The following ELP3 variants were observed in gnomAD, a reference collection of about 807,000 sequenced individuals.
The protein encoded by ELP3 is elongator acetyltransferase complex subunit 3.
A neutral mutation model predicts 74.9 loss-of-function variants in ELP3; 56 were observed. The ratio of observed to expected loss-of-function variants is 0.75; its 90% confidence interval spans 0.60 to 0.93. The LOEUF (loss-of-function observed/expected upper bound fraction) is 0.93. Ranked by LOEUF, ELP3 falls within the 40% of genes least tolerant of loss-of-function variation. The pLI, the probability that ELP3 is intolerant of heterozygous loss-of-function variation, is 0.00. For synonymous variants in ELP3, 222 were observed against 239.8 expected (o/e 0.93, Z 0.68); for missense variants, 573 against 686.5 (o/e 0.83, Z 1.85).
intron 10 of ELP3, among the ~76,000 whole-genome samples, chr8:28,140,327 A>C (rs1813186676): frequency 1.3e-5 from 2 of 152,212 alleles, no homozygotes; most frequent in Admixed American, 1.3e-4. Flanking sequence ...ATCTGGGACA[A>C]TTTGAGCATC....
At chr8:28,107,121 G>A (rs1020224161) in intron 4 of ELP3, among the ~76,000 whole-genome samples, 2 of 152,078 alleles carry the variant, frequency 1.3e-5, no homozygotes, top group Non-Finnish European at 2.9e-5. Context: ...GGTGGCATGC[G>A]CTTCTAGTCC....
At chr8:28,097,692 G>A (rs768224675) in intron 2 of ELP3, among the ~76,000 whole-genome samples, 17 of 151,888 alleles carry the variant, frequency 1.1e-4, no homozygotes, top group Non-Finnish European at 2.2e-4. Flanking sequence ...CACCGCACCC[G>A]GCCGTCATTC....
At position 28,138,029 on chromosome 8, in the gene ELP3, T is replaced by C. The variant is rs1371182436; in HGVS notation, c.1100+138T>C. On this transcript the variant is annotated intron_variant, in intron 10 of 14. Coordinates refer to ENST00000256398, the MANE Select transcript of ELP3 (RefSeq NM_018091.6). Reference sequence around the variant, plus strand: ...AGATAACTGGAATGCTATCTGTAAATAGGGAGGGATGGAAATCATAGCATG... The same window carrying C: ...AGATAACTGGAATGCTATCTGTAAACAGGGAGGGATGGAAATCATAGCATG... 5 of 795,944 alleles carry C rather than the reference T, an allele frequency of 6.3e-6. No homozygotes were observed. The African/African-American group carries it at 8.9e-5, about 14-fold the overall frequency. 49.3% of individuals were successfully genotyped at this position (795,944 alleles called of 1,614,324 possible). A position where few individuals can be genotyped will look rare whatever the true frequency, so the allele number is the denominator to read the frequency against.
rs1812712720 is a variant in ELP3 at position 28,129,601 on chromosome 8, C to T, written c.717C>T (p.Gly239=). 1 of 1,614,152 alleles carries T rather than the reference C, an allele frequency of 6.2e-7. No homozygotes were observed. The highest frequency in any genetic ancestry group is 1.1e-5 in the South Asian group (1 of 91,080). Residue 239 remains glycine, a synonymous_variant, in exon 8 of 15, where the codon GGC becomes GGT. Transcript: ENST00000256398. ...KRHLSDMLTY[G]CTRLEIGVQS... The stretch of plus-strand genomic sequence containing the variant: ...ATTTAAGTGACATGTTGACCTATGG[C>T]TGCACAAGGCTGGAGATTGGGGTGC...
At chr8:28,154,614 G>A (rs1813759783) in intron 10 of ELP3, among the ~76,000 whole-genome samples, 2 of 152,076 alleles carry the variant, frequency 1.3e-5, no homozygotes, top group African/African-American at 4.8e-5. Context: ...ACTTTGGCTT[G>A]TACAATCTGA....
chr8:28,125,759 CTTTTTTTTTTT>C (rs755484214), intron 7 of ELP3, among the ~76,000 whole-genome samples: 1 of 92,180 alleles, frequency 1.1e-5, no homozygotes, highest in Admixed American at 1.3e-4. Flanking sequence ...AGTCATTTCT[CTTTTTTTTTTT>C]TTTTTTTTTT....
intron 8 of ELP3, among the ~76,000 whole-genome samples, chr8:28,130,714 G>A (rs1812757196): frequency 6.6e-6 from 1 of 152,226 alleles, no homozygotes; most frequent in Non-Finnish European, 1.5e-5. Flanking sequence ...TACGACATCT[G>A]AGTTGGGACT....
At chr8:28,115,656 A>G (rs1490966893) in intron 7 of ELP3, among the ~76,000 whole-genome samples, 1 of 152,208 alleles carries the variant, frequency 6.6e-6, no homozygotes, top group Admixed American at 6.5e-5. Flanking sequence ...GCACAGAGAG[A>G]TAAGCAATTT....
chr8:28,102,341 T>G (rs1302411481), intron 3 of ELP3, among the ~76,000 whole-genome samples: 1 of 152,218 alleles, frequency 6.6e-6, no homozygotes, highest in African/African-American at 2.4e-5. Flanking sequence ...GCACTCAGTT[T>G]CCAAAAAATG....
chr8:28,180,179 G>T (rs1814946550), intron 14 of ELP3, among the ~76,000 whole-genome samples: 1 of 152,014 alleles, frequency 6.6e-6, no homozygotes, highest in African/African-American at 2.4e-5. Flanking sequence ...TTTAAAATCA[G>T]TTCTGTGTGA....
intron 10 of ELP3, among the ~76,000 whole-genome samples, chr8:28,145,740 C>T (rs576568434): frequency 6.6e-6 from 1 of 152,366 alleles, no homozygotes; most frequent in South Asian, 2.1e-4. Flanking sequence ...TCTCCTGCCT[C>T]ATCCTCCTGA....
intron 5 of ELP3, 46 bp downstream of exon 5, chr8:28,108,022 T>G (rs1811765919): frequency 1.3e-6 from 2 of 1,503,970 alleles, no homozygotes; most frequent in Non-Finnish European, 1.8e-6. Flanking sequence ...GCATCATGCT[T>G]TACCTGTAGT....
At chr8:28,108,764 T>C (rs1483540000) in intron 5 of ELP3, among the ~76,000 whole-genome samples, 1 of 152,186 alleles carries the variant, frequency 6.6e-6, no homozygotes, top group Non-Finnish European at 1.5e-5. Context: ...GCCTGGAATT[T>C]ATATTTTAAT....
intron 7 of ELP3, among the ~76,000 whole-genome samples, chr8:28,126,299 G>T (rs1247132614): frequency 1.3e-5 from 2 of 152,084 alleles, no homozygotes; most frequent in African/African-American, 4.8e-5. Context: ...AAATTCCTGG[G>T]TTATTGTCCC....
chr8:28,116,951 T>A (rs1812162602), intron 7 of ELP3, among the ~76,000 whole-genome samples: 1 of 152,194 alleles, frequency 6.6e-6, no homozygotes, highest in African/African-American at 2.4e-5. Context: ...AGCAGAAGGT[T>A]CTCTCAGAGG....
At chr8:28,184,856 G>A (rs111992245) in intron 14 of ELP3, among the ~76,000 whole-genome samples, 40 of 152,196 alleles carry the variant, frequency 2.6e-4, no homozygotes, top group African/African-American at 7.9e-4. Flanking sequence ...CTAAGTTCAC[G>A]TGAGTAGAAA....
intron 14 of ELP3, among the ~76,000 whole-genome samples, chr8:28,163,684 G>A (rs1814195785): frequency 6.6e-6 from 1 of 152,210 alleles, no homozygotes; most frequent in Non-Finnish European, 1.5e-5. Flanking sequence ...TGGTTGATCA[G>A]AAGTACCAGG....
intron 14 of ELP3, among the ~76,000 whole-genome samples, chr8:28,182,490 G>A (rs748523928): frequency 1.8e-4 from 28 of 152,176 alleles, no homozygotes; most frequent in Non-Finnish European, 3.1e-4. Flanking sequence ...GAAGCTGGGC[G>A]GCAGAGGTTG....
At position 28,166,709 on chromosome 8, in the gene ELP3, C is replaced by T. The variant is rs922686308; in HGVS notation, c.1567+4631C>T. 4.6e-5 allele frequency among the ~76,000 whole-genome samples: 7 copies of T among 152,202 alleles called. No individual in the cohort carries two copies. The South Asian group carries it at 8.3e-4, about 18-fold the overall frequency. ...CCATCACTAATAATCACCGTGGAAA[C>T]GGAGATCTCTGATGTCACACTGCCT... On this transcript the variant is annotated intron_variant, in intron 14 of 14. Transcript: ENST00000256398.
Sources: allele counts gnomAD v4.1 joint callset (sites outside exome capture counted in the v4.1 genomes callset), GRCh38; gene constraint gnomAD v4.1.1; transcripts MANE v1.5; gene names NCBI Gene and HGNC (gene_info 2026-07-23, HGNC 2026-07-21).